VAC14: variants seen among roughly 807,000 people sequenced by gnomAD.
VAC14 encodes VAC14 component of PIKFYVE complex.
VAC14 carries 47 observed loss-of-function variants against 85.3 expected under a neutral mutation model. The ratio of observed to expected loss-of-function variants is 0.55; its 90% CI spans 0.44 to 0.70. VAC14 has a LOEUF of 0.70. Ranked by LOEUF, VAC14 falls within the 30% of genes least tolerant of loss-of-function variation. VAC14 has a pLI of 0.00. For synonymous variants in VAC14, 447 were observed against 430.5 expected (o/e 1.04, Z -0.47); for missense variants, 861 against 1,004.3 (o/e 0.86, Z 1.93).
At chr16:70,740,612 C>T (rs1031676483) in intron 13 of VAC14, among the ~76,000 whole-genome samples, 17 of 152,206 alleles carry the variant, frequency 1.1e-4, no homozygotes, top group African/African-American at 4.1e-4. Context: ...CGCAGACTCC[C>T]CTGAGTGGAG....
intron 12 of VAC14, among the ~76,000 whole-genome samples, chr16:70,751,612 G>A (rs1254274880): frequency 6.6e-6 from 1 of 152,230 alleles, no homozygotes; most frequent in Non-Finnish European, 1.5e-5. Flanking sequence ...AGCCTCTTCA[G>A]TCCCTGACCA....
intron 10 of VAC14, among the ~76,000 whole-genome samples, chr16:70,765,801 G>A (rs1344015572): frequency 1.3e-5 from 2 of 152,176 alleles, no homozygotes; most frequent in African/African-American, 4.8e-5. Flanking sequence ...AGCTCCAGGT[G>A]TCCGTGGAAG....
At chr16:70,737,958 T>C (rs2054813955) in intron 13 of VAC14, among the ~76,000 whole-genome samples, 1 of 152,128 alleles carries the variant, frequency 6.6e-6, no homozygotes, top group South Asian at 2.1e-4. Flanking sequence ...GGACAGCCCG[T>C]TGTGGGCTCA....
rs754925019 is a variant in VAC14 at position 70,786,208 on chromosome 16, G to C, written c.255+7C>G. Reference sequence around the variant, plus strand: ...TGGTATGTCTGTCCCTTGGGTGAAAGGCCCACCTTGCCCAGTGCGATGGAG... The same window carrying C: ...TGGTATGTCTGTCCCTTGGGTGAAACGCCCACCTTGCCCAGTGCGATGGAG... On this transcript the variant is annotated splice_region_variant and intron_variant, in intron 2 of 18. Coordinates refer to ENST00000261776, the MANE Select transcript of VAC14 (RefSeq NM_018052.5). 6.2e-7 allele frequency: 1 copy of C among 1,613,532 alleles called. No individual in the cohort carries two copies. The highest frequency in any genetic ancestry group is 8.5e-7 in the Non-Finnish European group (1 of 1,179,714).
At chr16:70,774,684 T>C (rs1040676379) in intron 9 of VAC14, among the ~76,000 whole-genome samples, 5 of 151,994 alleles carry the variant, frequency 3.3e-5, no homozygotes, top group Non-Finnish European at 5.9e-5. Flanking sequence ...TCCTCCATTA[T>C]TGACTAAAAT....
chr16:70,712,706 C>T (rs1049236746), intron 14 of VAC14, among the ~76,000 whole-genome samples: 1 of 152,228 alleles, frequency 6.6e-6, no homozygotes, highest in African/African-American at 2.4e-5. Flanking sequence ...CCAGAGGCTA[C>T]TTCTGAGGGA....
At chr16:70,771,198 C>A (rs1329311104) in intron 10 of VAC14, 1 of 152,246 alleles carries the variant, frequency 6.6e-6, no homozygotes, top group East Asian at 1.9e-4. Context: ...AGTCCCTTCA[C>A]CTTGCAGGGA....
intron 14 of VAC14, among the ~76,000 whole-genome samples, chr16:70,701,276 G>A (rs565445462): frequency 6.6e-6 from 1 of 152,250 alleles, no homozygotes; most frequent in Admixed American, 6.5e-5. Flanking sequence ...GCTCTAGATG[G>A]AACAGCTGCT....
At chr16:70,702,331 A>G (rs894821199) in intron 14 of VAC14, among the ~76,000 whole-genome samples, 3 of 152,046 alleles carry the variant, frequency 2.0e-5, no homozygotes, top group Non-Finnish European at 2.9e-5. Context: ...CCTCCTCACG[A>G]GGTGTCTCCC....
At chr16:70,736,727 T>A (rs1333710179) in intron 13 of VAC14, among the ~76,000 whole-genome samples, 1 of 152,142 alleles carries the variant, frequency 6.6e-6, no homozygotes, top group Non-Finnish European at 1.5e-5. Context: ...GCGATTCACA[T>A]CCTCAGCTGA....
intron 13 of VAC14, among the ~76,000 whole-genome samples, chr16:70,743,906 AG>A (rs1435678425): frequency 1.3e-5 from 2 of 152,222 alleles, no homozygotes; most frequent in South Asian, 2.1e-4. Context: ...GAAGGGACCG[AG>A]GGGCGAGTGC....
chr16:70,711,407 T>C (rs892669248), intron 14 of VAC14, among the ~76,000 whole-genome samples: 51 of 152,274 alleles, frequency 3.3e-4, no homozygotes, highest in African/African-American at 1.2e-3. Flanking sequence ...ACTTGCCTTC[T>C]TGAGGCCCCA....
chr16:70,752,299 A>G (rs575708632), intron 12 of VAC14, among the ~76,000 whole-genome samples: 1 of 152,218 alleles, frequency 6.6e-6, no homozygotes, highest in Admixed American at 6.5e-5. Context: ...AGCTGAGAAC[A>G]CTCTAGCGGC....
intron 3 of VAC14, 46 bp downstream of exon 3, chr16:70,785,656 G>A (rs747216871): frequency 1.3e-6 from 2 of 1,513,382 alleles, no homozygotes; most frequent in Non-Finnish European, 1.8e-6. Flanking sequence ...AAGTGAGGTG[G>A]GGGAACCAAG....
At chr16:70,780,186 T>C (rs1157035449) in intron 9 of VAC14, among the ~76,000 whole-genome samples, 3 of 152,108 alleles carry the variant, frequency 2.0e-5, no homozygotes, top group Non-Finnish European at 4.4e-5. Flanking sequence ...ACCTTACAGC[T>C]AAACAAGAAA....
chr16:70,719,561 GA>G (rs1202766817), intron 14 of VAC14, among the ~76,000 whole-genome samples: 1 of 152,178 alleles, frequency 6.6e-6, no homozygotes, highest in African/African-American at 2.4e-5. Context: ...ATGGGAAAAT[GA>G]GACTTGAACA....
At chr16:70,785,376 A>T (rs77102042) in intron 3 of VAC14, among the ~76,000 whole-genome samples, 9,636 of 152,320 alleles carry the variant, frequency 0.063, 445 homozygotes, top group Non-Finnish European at 0.083. Context: ...CCCTAAAGGG[A>T]AAGTACGGTC....
At chr16:70,717,055 C>G (rs1394290635) in intron 14 of VAC14, among the ~76,000 whole-genome samples, 1 of 152,276 alleles carries the variant, frequency 6.6e-6, no homozygotes, top group Non-Finnish European at 1.5e-5. Context: ...ACCACCAGGT[C>G]CACACCATTG....
intron 14 of VAC14, among the ~76,000 whole-genome samples, chr16:70,725,916 G>A (rs920476569): frequency 3.9e-5 from 6 of 152,234 alleles, no homozygotes; most frequent in African/African-American, 1.4e-4. Flanking sequence ...ACAGATGCAA[G>A]CATTCTCCAC....
Sources: gnomAD v4.1 joint callset for allele counts (sites outside exome capture counted in the v4.1 genomes callset) on GRCh38, gnomAD v4.1.1 for gene constraint, MANE v1.5 for transcripts, NCBI Gene and HGNC (gene_info 2026-07-23, HGNC 2026-07-21) for gene names.